Variants in ADARB2 observed in about 807,000 individuals in gnomAD.
The protein encoded by ADARB2 is inactive double-stranded RNA-specific editase B2.
ADARB2 carries 25 observed loss-of-function variants against 62.2 expected under a neutral mutation model. The observed-to-expected ratio is 0.40, with a 90% CI of 0.29 to 0.56. The LOEUF is 0.56. Ranked by LOEUF, ADARB2 falls within the 20% of genes least tolerant of loss-of-function variation. The pLI, the probability that ADARB2 is intolerant of heterozygous loss-of-function variation, is 0.43. For missense variants in ADARB2, 1,071 were observed against 1,077.4 expected, an observed-to-expected ratio of 0.99 and a Z score of 0.08; for synonymous variants, 572 against 500.8, an observed-to-expected ratio of 1.14 and a Z score of -1.90.
chr10:1,650,529 G>T (rs1834097275), intron 1 of ADARB2, among the ~76,000 whole-genome samples: 1 of 152,170 alleles, frequency 6.6e-6, no homozygotes, highest in African/African-American at 2.4e-5. Context: ...CGCCAGTCTT[G>T]GCGAACTTCA....
At chr10:1,634,941 C>A (rs1833895104) in intron 1 of ADARB2, among the ~76,000 whole-genome samples, 1 of 152,204 alleles carries the variant, frequency 6.6e-6, no homozygotes, top group African/African-American at 2.4e-5. Flanking sequence ...TTGGTCACAG[C>A]TGGATGTGGT....
chr10:1,555,608 G>A (rs1227733140), intron 1 of ADARB2, among the ~76,000 whole-genome samples: 1 of 152,116 alleles, frequency 6.6e-6, no homozygotes, highest in Non-Finnish European at 1.5e-5. Flanking sequence ...TGTCAGGTAT[G>A]CGAGACTACA....
chr10:1,493,861 C>T (rs904008976), intron 1 of ADARB2, among the ~76,000 whole-genome samples: 3 of 148,430 alleles, frequency 2.0e-5, no homozygotes, highest in African/African-American at 4.9e-5. Context: ...TGGGTTGAAG[C>T]GGTTCTCCCG....
chr10:1,278,659 A>C (rs1831342580), intron 3 of ADARB2, among the ~76,000 whole-genome samples: 1 of 150,942 alleles, frequency 6.6e-6, no homozygotes, highest in Non-Finnish European at 1.5e-5. Context: ...GCCCTGCCTC[A>C]GTCTCTAAAA....
intron 3 of ADARB2, among the ~76,000 whole-genome samples, chr10:1,342,035 C>T (rs961681588): frequency 1.3e-5 from 2 of 152,230 alleles, no homozygotes; most frequent in African/African-American, 4.8e-5. Flanking sequence ...TTTCTTTCAG[C>T]CAGGTTTTGT....
In ADARB2 at chr10:1,433,566, T is replaced by G. The variant is rs540015042; in HGVS notation, c.101-54406A>C. ...AGGTTGTCGGTGTTGAGGTTGTTGT[T>G]TGGCCAAGATCACATCCATAGATGA... On this transcript the variant is annotated intron_variant, in intron 1 of 9. Transcript: ENST00000381312. 2.0e-5 allele frequency among the ~76,000 whole-genome samples: 3 copies of G among 152,188 alleles called. No individual in the cohort carries two copies. The South Asian group carries it at 6.2e-4, about 32-fold the overall frequency.
intron 3 of ADARB2, among the ~76,000 whole-genome samples, chr10:1,346,530 G>A (rs1333304986): frequency 6.6e-6 from 1 of 152,244 alleles, no homozygotes; most frequent in Admixed American, 6.5e-5. Context: ...AGAATGATCT[G>A]GGAGCATTTG....
Position 1,335,699 on chromosome 10 carries a change from AATAAGG to A in ADARB2, c.1077+27323_1077+27328del, listed in dbSNP as rs547067166. ...CTGAGGAACATTTTGACATGTCTTA[AATAAGG>A]ATAAGTGAGTCCCATCCTAAATAGG... On this transcript the variant is annotated intron_variant, in intron 3 of 9. Transcript: ENST00000381312. Among the ~76,000 whole-genome samples the A allele has an allele frequency of 5.9e-5, 9 of 152,316 alleles. No homozygotes were observed. In the East Asian group the frequency reaches 9.6e-4, roughly 16 times the overall value.
intron 3 of ADARB2, among the ~76,000 whole-genome samples, chr10:1,302,336 C>T (rs4880818): frequency 0.45 from 67,804 of 149,788 alleles, 16,207 homozygotes; most frequent in East Asian, 0.79. Flanking sequence ...TAAAAAACGG[C>T]GCACCACGAG....
chr10:1,233,950 T>C, intron 5 of ADARB2, 105 bp from the exon 6 acceptor site: 4 of 1,217,758 alleles, frequency 3.3e-6, no homozygotes, highest in Non-Finnish European at 4.4e-6. Context: ...TCCCCAAGTT[T>C]TCCTTTATAT....
chr10:1,617,712 A>G (rs564546670), intron 1 of ADARB2, among the ~76,000 whole-genome samples: 1 of 150,910 alleles, frequency 6.6e-6, no homozygotes, highest in Non-Finnish European at 1.5e-5. Context: ...CATCCTGGGA[A>G]CTGGCCTCAG....
intron 1 of ADARB2, among the ~76,000 whole-genome samples, chr10:1,571,670 GCAGGTGAGTGTGCAGGTGAGTGGA>G (rs1218779107): frequency 3.3e-5 from 5 of 150,646 alleles, no homozygotes; most frequent in African/African-American, 1.2e-4. Context: ...AGGTGAGTGT[GCAGGTGAGTGTGCAGGTGAGTGGA>G]CAGGTGAGTG....
intron 1 of ADARB2, among the ~76,000 whole-genome samples, chr10:1,584,940 G>A (rs1833154567): frequency 6.6e-6 from 1 of 152,144 alleles, no homozygotes; most frequent in Admixed American, 6.5e-5. Context: ...GGGTTGCCAG[G>A]GTTTGGAGGA....
At chr10:1,355,545 C>G (rs1431442489) in intron 3 of ADARB2, among the ~76,000 whole-genome samples, 1 of 152,236 alleles carries the variant, frequency 6.6e-6, no homozygotes, top group Non-Finnish European at 1.5e-5. Flanking sequence ...GAAATATTAG[C>G]TGCTAATGGC....
chr10:1,189,217 C>A (rs1006831012), intron 8 of ADARB2, among the ~76,000 whole-genome samples: 1 of 152,028 alleles, frequency 6.6e-6, no homozygotes, highest in Non-Finnish European at 1.5e-5. Context: ...TTCTCAGGAG[C>A]CTTCTGCTCA....
chr10:1,730,043 T>C (rs1336022218), intron 1 of ADARB2, among the ~76,000 whole-genome samples: 2 of 152,334 alleles, frequency 1.3e-5, no homozygotes, highest in East Asian at 1.9e-4. Flanking sequence ...TATGTGCAAA[T>C]CACCTGAAGG....
intron 1 of ADARB2, among the ~76,000 whole-genome samples, chr10:1,418,332 G>A (rs983874401): frequency 1.3e-5 from 2 of 152,150 alleles, no homozygotes; most frequent in African/African-American, 2.4e-5. Context: ...AAGATGCAGC[G>A]GGGACCTGCC....
intron 4 of ADARB2, among the ~76,000 whole-genome samples, chr10:1,270,064 A>G (rs758301414): frequency 1.3e-5 from 2 of 152,208 alleles, no homozygotes; most frequent in Non-Finnish European, 2.9e-5. Flanking sequence ...TTTTACCAGG[A>G]GGCCCACATT....
chr10:1,286,912 C>T (rs1159574315), intron 3 of ADARB2, among the ~76,000 whole-genome samples: 1 of 152,134 alleles, frequency 6.6e-6, no homozygotes, highest in Non-Finnish European at 1.5e-5. Context: ...GTTGTTATTG[C>T]CATTATCATC....
Sources: gnomAD v4.1 joint callset for allele counts (sites outside exome capture counted in the v4.1 genomes callset) on GRCh38, gnomAD v4.1.1 for gene constraint, MANE v1.5 for transcripts, NCBI Gene and HGNC (gene_info 2026-07-23, HGNC 2026-07-21) for gene names.